FARP2: variants seen among roughly 807,000 people sequenced by gnomAD.
The protein encoded by FARP2 is FERM, ARH/RhoGEF and pleckstrin domain protein 2, also known as FERM, ARHGEF and pleckstrin domain-containing protein 2.
FARP2 carries 111 observed loss-of-function variants against 130.5 expected under a neutral mutation model. That is an observed-to-expected ratio of 0.85 (90% confidence interval 0.73 to 1.00). The LOEUF (loss-of-function observed/expected upper bound fraction) is 1.00, where lower values mean the gene tolerates loss of function less well. Among genes scored for constraint, FARP2 ranks in the 50% least tolerant of loss-of-function variants. The pLI is 0.00. For missense variants in FARP2, 1,385 were observed against 1,346.3 expected (o/e 1.03, Z -0.45); for synonymous variants, 504 against 516.9 (o/e 0.98, Z 0.34).
intron 2 of FARP2, among the ~76,000 whole-genome samples, chr2:241,385,467 A>C (rs2061761927): frequency 6.6e-6 from 1 of 152,202 alleles, no homozygotes; most frequent in Non-Finnish European, 1.5e-5. Context: ...CATACCTATA[A>C]TCCCGGCACT....
At chr2:241,465,527 G>A (rs1308912536) in intron 17 of FARP2, 6 of 1,550,452 alleles carry the variant, frequency 3.9e-6, no homozygotes, top group East Asian at 2.4e-5. Context: ...GGATAGGCAG[G>A]GGCAGCACTG....
intron 2 of FARP2, among the ~76,000 whole-genome samples, chr2:241,377,352 T>C (rs534263440): frequency 0.022 from 3,046 of 136,242 alleles, 97 homozygotes; most frequent in African/African-American, 0.07. Flanking sequence ...TTTTTTTTTT[T>C]GAGACAGAGT....
intron 24 of FARP2, among the ~76,000 whole-genome samples, chr2:241,492,358 A>T (rs2064950786): frequency 6.6e-6 from 1 of 152,138 alleles, no homozygotes. Context: ...CCAGTCCAGG[A>T]CACCTGAGAT....
At chr2:241,435,842 A>G (rs1214804348) in intron 11 of FARP2, among the ~76,000 whole-genome samples, 1 of 149,788 alleles carries the variant, frequency 6.7e-6, no homozygotes, top group Non-Finnish European at 1.5e-5. Context: ...TTGTATACAC[A>G]TAGAGATATT....
At chr2:241,404,388 T>G (rs187907603) in intron 3 of FARP2, among the ~76,000 whole-genome samples, 1 of 152,226 alleles carries the variant, frequency 6.6e-6, no homozygotes, top group African/African-American at 2.4e-5. Flanking sequence ...CCCTTGGCAG[T>G]GCGACCAGAT....
chr2:241,379,953 T>A (rs2061622481), intron 2 of FARP2, among the ~76,000 whole-genome samples: 1 of 152,200 alleles, frequency 6.6e-6, no homozygotes, highest in Non-Finnish European at 1.5e-5. Flanking sequence ...GATGTGGACA[T>A]TTTTATTCTT....
At chr2:241,437,666 A>G (rs372839119) in intron 12 of FARP2, among the ~76,000 whole-genome samples, 1 of 129,244 alleles carries the variant, frequency 7.7e-6, no homozygotes. Context: ...TTATTTATTT[A>G]TTTATTTTTT....
intron 8 of FARP2, among the ~76,000 whole-genome samples, chr2:241,430,292 T>G (rs2063058761): frequency 2.0e-5 from 3 of 152,238 alleles, no homozygotes; most frequent in African/African-American, 7.2e-5. Flanking sequence ...GCTTGTTTTG[T>G]ACTTTGCCTG....
chr2:241,399,961 T>G (rs979985581), intron 2 of FARP2, among the ~76,000 whole-genome samples: 14 of 151,980 alleles, frequency 9.2e-5, no homozygotes, highest in African/African-American at 2.7e-4. Context: ...TGTTTGTTTG[T>G]GTGTATATAT....
At chr2:241,449,198 G>A (rs1471877744) in intron 13 of FARP2, among the ~76,000 whole-genome samples, 4 of 152,010 alleles carry the variant, frequency 2.6e-5, no homozygotes, top group African/African-American at 7.3e-5. Flanking sequence ...GGTGGCTCAC[G>A]CCTGTAATCC....
intron 2 of FARP2, among the ~76,000 whole-genome samples, chr2:241,377,961 C>T (rs1010084474): frequency 6.6e-5 from 10 of 152,282 alleles, no homozygotes; most frequent in African/African-American, 2.4e-4. Flanking sequence ...TGCCATTTTG[C>T]ATTCCTGCCA....
Position 241,407,605 on chromosome 2 carries a change from G to A in FARP2, c.400G>A (p.Glu134Lys). The change falls in exon 5 of 27, where the codon GAA becomes AAA. Residue 134 changes from glutamate to lysine, a missense_variant. Transcript: ENST00000264042. Reference protein sequence around the residue: ...FPPDPGQLQEEYTRYLFALQL... With the variant: ...FPPDPGQLQEKYTRYLFALQL... Reference sequence around the variant, plus strand: ...ACCTGATCCTGGTCAGCTACAAGAAGAATATACAAGGTAAAGAGCTCACAG... The same window carrying A: ...ACCTGATCCTGGTCAGCTACAAGAAAAATATACAAGGTAAAGAGCTCACAG... 6.2e-7 allele frequency: 1 copy of A among 1,613,380 alleles called. No homozygotes were observed. Among genetic ancestry groups the A allele is most frequent in the Non-Finnish European group, 8.5e-7 (1 of 1,179,300 alleles).
chr2:241,394,966 C>T (rs1007229205), intron 2 of FARP2, among the ~76,000 whole-genome samples: 4 of 152,210 alleles, frequency 2.6e-5, no homozygotes, highest in African/African-American at 9.7e-5. Context: ...TCTGTGTGGG[C>T]AGACAGCGAG....
chr2:241,426,737 A>G (rs1342280780), intron 8 of FARP2, among the ~76,000 whole-genome samples: 1 of 152,188 alleles, frequency 6.6e-6, no homozygotes, highest in Non-Finnish European at 1.5e-5. Flanking sequence ...TTGGATGAAT[A>G]TGAAAATGAA....
At chr2:241,449,588 G>A (rs1367477004) in intron 13 of FARP2, among the ~76,000 whole-genome samples, 2 of 152,100 alleles carry the variant, frequency 1.3e-5, no homozygotes, top group African/African-American at 2.4e-5. Context: ...TGTCTTGAAG[G>A]GAAAAGTGAA....
intron 13 of FARP2, chr2:241,442,620 G>T (rs755508499): frequency 5.9e-6 from 2 of 338,954 alleles, no homozygotes; most frequent in Admixed American, 3.9e-5. Context: ...CACAGAAAGT[G>T]ACTTTCATTT....
rs199738844 is a variant in FARP2, at chr2:241,407,558, G to A, written c.353G>A (p.Arg118His). 21 of 1,613,996 alleles carry A rather than the reference G, an allele frequency of 1.3e-5. No homozygotes were observed. Among genetic ancestry groups the A allele is most frequent in the South Asian group, 7.7e-5 (7 of 91,082 alleles). ...ATAGGGCCAAAGAATGTGGTGCTTC[G>A]CCTAGCTGTAAAATTTTTTCCACCT... ...QIRRPKNVVL[R>H]LAVKFFPPDP... The change falls in exon 5 of 27, where the codon CGC becomes CAC. Residue 118 changes from arginine to histidine, a missense_variant. Physicochemically the swap from Arg to His is conservative, Grantham distance 29 (BLOSUM62 0). Coordinates refer to ENST00000264042, the MANE Select transcript of FARP2 (RefSeq NM_014808.4).
At position 241,410,239 on chromosome 2, in the gene FARP2, G is replaced by A. The variant is rs539416012; in HGVS notation, c.411-794G>A. Among the ~76,000 whole-genome samples the A allele has an allele frequency of 5.9e-5, 9 of 152,230 alleles. No homozygotes were observed. In the South Asian group the frequency reaches 6.2e-4, roughly 11 times the overall value. On this transcript the variant is annotated intron_variant, in intron 5 of 26. Transcript: ENST00000264042. ...AGCCAAGACCAGATATTATCAATCC[G>A]TTAAAAAATTTCACAGCCATGCTTT...
At chr2:241,451,209 A>G (rs957762687) in intron 13 of FARP2, among the ~76,000 whole-genome samples, 1 of 152,132 alleles carries the variant, frequency 6.6e-6, no homozygotes, top group African/African-American at 2.4e-5. Flanking sequence ...CCTGGGCTCA[A>G]GTAATCCACC....
Sources: allele counts gnomAD v4.1 joint callset (sites outside exome capture counted in the v4.1 genomes callset), GRCh38; gene constraint gnomAD v4.1.1; transcripts MANE v1.5; gene names NCBI Gene and HGNC (gene_info 2026-07-23, HGNC 2026-07-21).